The following RTN3 variants were observed in gnomAD, a reference collection of about 807,000 sequenced individuals.
The protein encoded by RTN3 is reticulon-3.
Under a neutral mutation model 77.8 loss-of-function variants are expected in RTN3, and 49 were observed. The ratio of observed to expected loss-of-function variants is 0.63; its 90% CI spans 0.50 to 0.80. The LOEUF (loss-of-function observed/expected upper bound fraction) is 0.80, where lower values mean the gene tolerates loss of function less well. Among genes scored for constraint, RTN3 ranks in the 30% least tolerant of loss-of-function variants. The pLI, the probability that RTN3 is intolerant of heterozygous loss-of-function variation, is 0.00. For synonymous variants in RTN3, 464 were observed against 446.9 expected, an observed-to-expected ratio of 1.04 and a Z score of -0.48; for missense variants, 1,236 against 1,211.9, an observed-to-expected ratio of 1.02 and a Z score of -0.29.
chr11:63,683,843 G>A (rs999449495), intron 1 of RTN3, among the ~76,000 whole-genome samples: 1 of 151,422 alleles, frequency 6.6e-6, no homozygotes, highest in Non-Finnish European at 1.5e-5. Context: ...GAATTATATC[G>A]TGAAGTGCTG....
intron 2 of RTN3, among the ~76,000 whole-genome samples, chr11:63,710,407 A>T (rs1447941345): frequency 6.6e-6 from 1 of 151,766 alleles, no homozygotes; most frequent in Non-Finnish European, 1.5e-5. Context: ...AAGATAAAAT[A>T]CTCTAGGCAT....
At chr11:63,686,639 A>G (rs903564968) in intron 1 of RTN3, among the ~76,000 whole-genome samples, 1 of 152,136 alleles carries the variant, frequency 6.6e-6, no homozygotes, top group Non-Finnish European at 1.5e-5. Context: ...AGCCTGGACA[A>G]TAGTGGTGAA....
At chr11:63,692,180 G>A (rs1166196865) in intron 1 of RTN3, among the ~76,000 whole-genome samples, 6 of 151,978 alleles carry the variant, frequency 3.9e-5, no homozygotes, top group Non-Finnish European at 7.4e-5. Context: ...GCACCTCCAT[G>A]CCTGGCTGAT....
chr11:63,726,305 C>T (rs1176473480), intron 3 of RTN3, among the ~76,000 whole-genome samples: 1 of 152,134 alleles, frequency 6.6e-6, no homozygotes, highest in Non-Finnish European at 1.5e-5. Flanking sequence ...TTTATTTTTA[C>T]TGCTTTTAGC....
At chr11:63,707,804 C>T (rs1286584702) in intron 2 of RTN3, among the ~76,000 whole-genome samples, 1 of 152,136 alleles carries the variant, frequency 6.6e-6, no homozygotes, top group Non-Finnish European at 1.5e-5. Flanking sequence ...ATTCATTGCA[C>T]TCCAGCTTGG....
intron 1 of RTN3, among the ~76,000 whole-genome samples, chr11:63,692,454 C>T (rs536102603): frequency 5.9e-5 from 9 of 152,154 alleles, no homozygotes; most frequent in African/African-American, 2.2e-4. Context: ...CCGGCCAAAT[C>T]ATATGTTAAA....
At chr11:63,693,233 C>T (rs1941757875) in intron 1 of RTN3, among the ~76,000 whole-genome samples, 1 of 152,200 alleles carries the variant, frequency 6.6e-6, no homozygotes, top group Non-Finnish European at 1.5e-5. Flanking sequence ...CCTGTAATCC[C>T]AGCACTTTGG....
chr11:63,693,556 T>C (rs1941777382), intron 1 of RTN3, among the ~76,000 whole-genome samples: 3 of 152,170 alleles, frequency 2.0e-5, no homozygotes, highest in African/African-American at 7.2e-5. Flanking sequence ...AAACTTTAGG[T>C]TAAGAACATT....
intron 3 of RTN3, among the ~76,000 whole-genome samples, chr11:63,745,248 CAT>C (rs1354462778): frequency 6.6e-6 from 1 of 152,166 alleles, no homozygotes; most frequent in African/African-American, 2.4e-5. Context: ...TCAATAGAGT[CAT>C]GTGCAAAAAC....
At chr11:63,704,312 A>G (rs970864050) in intron 1 of RTN3, among the ~76,000 whole-genome samples, 3 of 152,180 alleles carry the variant, frequency 2.0e-5, no homozygotes, top group Non-Finnish European at 2.9e-5. Flanking sequence ...CTAGAGGAGT[A>G]TAATTTTAGA....
chr11:63,711,887 A>T (rs2011169278), intron 2 of RTN3, among the ~76,000 whole-genome samples: 1 of 151,884 alleles, frequency 6.6e-6, no homozygotes, highest in Non-Finnish European at 1.5e-5. Flanking sequence ...TAGAGAAGGG[A>T]TCTGTCTCAT....
Position 63,725,687 on chromosome 11 carries a change from C to T in RTN3, c.2530+4655C>T, listed in dbSNP as rs919354904. On this transcript the variant is annotated intron_variant, in intron 3 of 8. Transcript: ENST00000377819. Reference sequence around the variant, plus strand: ...CAGGATGGTCTCAATCTCCTGGCCTCGTGATCCGCCCGCCTCGGCCTCCCA... The same window carrying T: ...CAGGATGGTCTCAATCTCCTGGCCTTGTGATCCGCCCGCCTCGGCCTCCCA... Among the ~76,000 whole-genome samples the T allele has an allele frequency of 4.6e-5, 7 of 152,186 alleles. No individual in the cohort carries two copies. The East Asian group carries it at 9.7e-4, about 21-fold the overall frequency.
chr11:63,716,752 TC>T (rs1201437521), intron 2 of RTN3, among the ~76,000 whole-genome samples: 1 of 151,452 alleles, frequency 6.6e-6, no homozygotes, highest in Non-Finnish European at 1.5e-5. Context: ...GATCACGGGG[TC>T]AGGAGATCGA....
chr11:63,743,296 C>G (rs2013596199), intron 3 of RTN3, among the ~76,000 whole-genome samples: 1 of 152,124 alleles, frequency 6.6e-6, no homozygotes, highest in African/African-American at 2.4e-5. Flanking sequence ...TCAGTAAGTA[C>G]GATGTTTGCT....
rs761023393 is a variant in RTN3 at position 63,720,521 on chromosome 11, T to C, written c.2019T>C (p.Ala673=). The C allele has an allele frequency of 6.2e-7, 1 of 1,613,928 alleles. No individual in the cohort carries two copies. Among genetic ancestry groups the C allele is most frequent in the Non-Finnish European group, 8.5e-7 (1 of 1,179,998 alleles). The change falls in exon 3 of 9, where the codon GCT becomes GCC. Residue 673 remains alanine (A), a synonymous_variant. Transcript: ENST00000377819. The part of the protein sequence containing the change: ...DKGIVDSERN[A]FKAISEKMTD... The stretch of plus-strand genomic sequence containing the variant: ...GAATAGTAGATAGTGAAAGAAATGC[T>C]TTTAAAGCAATATCAGAGAAGATGA...
intron 3 of RTN3, among the ~76,000 whole-genome samples, chr11:63,738,377 C>T (rs549923722): frequency 1.3e-5 from 2 of 152,066 alleles, no homozygotes; most frequent in Admixed American, 6.6e-5. Flanking sequence ...CAGTGATTCA[C>T]GCCTGTAATT....
At chr11:63,755,645 C>T (rs1336821715) in intron 7 of RTN3, among the ~76,000 whole-genome samples, 1 of 109,988 alleles carries the variant, frequency 9.1e-6, no homozygotes, top group Non-Finnish European at 1.8e-5. Context: ...GAACAAAATT[C>T]CATCTCAAAA....
At chr11:63,733,790 C>T (rs898398360) in intron 3 of RTN3, among the ~76,000 whole-genome samples, 12 of 151,604 alleles carry the variant, frequency 7.9e-5, no homozygotes, top group African/African-American at 4.9e-5. Context: ...ACTCGGGAGG[C>T]TGAGGCAGGA....
intron 3 of RTN3, among the ~76,000 whole-genome samples, chr11:63,737,625 A>T (rs2013215861): frequency 6.6e-6 from 1 of 152,228 alleles, no homozygotes; most frequent in African/African-American, 2.4e-5. Flanking sequence ...AAGAAAAAAA[A>T]GGAAAATACT....
Sources: allele counts gnomAD v4.1 joint callset (sites outside exome capture counted in the v4.1 genomes callset), GRCh38; gene constraint gnomAD v4.1.1; transcripts MANE v1.5; gene names NCBI Gene and HGNC (gene_info 2026-07-23, HGNC 2026-07-21).